Variants in TTC6 observed in about 807,000 individuals in gnomAD.
TTC6 encodes tetratricopeptide repeat protein 6.
In TTC6, 172 loss-of-function variants were observed where a neutral mutation model predicts 210.4. The ratio of observed to expected loss-of-function variants is 0.82; its 90% CI spans 0.72 to 0.93. TTC6 has a LOEUF of 0.93. Among genes scored for constraint, TTC6 ranks in the 40% least tolerant of loss-of-function variants. The pLI, the probability that TTC6 is intolerant of heterozygous loss-of-function variation, is 0.00. For missense variants in TTC6, 2,414 were observed against 2,318.1 expected (o/e 1.04, Z -0.85); for synonymous variants, 804 against 819.6 (o/e 0.98, Z 0.32).
intron 26 of TTC6, among the ~76,000 whole-genome samples, chr14:37,818,021 A>T (rs888541970): frequency 6.6e-6 from 1 of 152,208 alleles, no homozygotes; most frequent in Non-Finnish European, 1.5e-5. Flanking sequence ...TATTTTGTTC[A>T]TAAAGTGGGA....
At chr14:37,827,410 C>G in intron 29 of TTC6, 44 bp downstream of exon 31, 2 of 1,583,806 alleles carry the variant, frequency 1.3e-6, no homozygotes, top group Non-Finnish European at 8.6e-7. Flanking sequence ...ACCTGGAATG[C>G]TTTCTTTATT....
chr14:37,718,220 G>A (rs2095855816), intron 6 of TTC6, among the ~76,000 whole-genome samples: 1 of 152,080 alleles, frequency 6.6e-6, no homozygotes, highest in South Asian at 2.1e-4. Flanking sequence ...TTATCCACCA[G>A]GACTTTAGGG....
At chr14:37,680,859 A>G (rs2095781919) in intron 2 of TTC6, among the ~76,000 whole-genome samples, 1 of 152,162 alleles carries the variant, frequency 6.6e-6, no homozygotes, top group Admixed American at 6.5e-5. Flanking sequence ...TGTTACCATT[A>G]AATAACAAGC....
intron 21 of TTC6, among the ~76,000 whole-genome samples, chr14:37,805,588 A>G (rs908623762): frequency 6.6e-5 from 10 of 152,234 alleles, no homozygotes; most frequent in Non-Finnish European, 1.3e-4. Context: ...GAGACAAATT[A>G]CAAATATTTT....
Position 37,790,583 on chromosome 14 carries a change from C to T in TTC6, c.3437-134C>T, listed in dbSNP as rs2096077147. ...ATTTAACTTACCAAACAAGTACACTCATCATAGATATGTTTCTATTTTATA... is the reference window on the plus strand; with the variant it reads ...ATTTAACTTACCAAACAAGTACACTTATCATAGATATGTTTCTATTTTATA... On this transcript the variant is annotated intron_variant, in intron 15 of 30. Transcript: ENST00000553443. 1.4e-5 allele frequency: 10 copies of T among 709,374 alleles called. No individual in the cohort carries two copies. In the South Asian group the frequency reaches 1.7e-4, roughly 12 times the overall value. 43.9% of individuals were successfully genotyped at this position (709,374 alleles called of 1,614,324 possible). A position where few individuals can be genotyped will look rare whatever the true frequency, so the allele number is the denominator to read the frequency against.
chr14:37,682,718 TA>T (rs746718519), intron 2 of TTC6, 39 bp from the exon 5 acceptor site: 395 of 1,456,478 alleles, frequency 2.7e-4, no homozygotes, highest in Non-Finnish European at 2.8e-4. Context: ...GAAGGACCAA[TA>T]AAAAAAAAGC....
intron 20 of TTC6, among the ~76,000 whole-genome samples, chr14:37,798,069 A>C (rs2096096734): frequency 6.6e-6 from 1 of 152,108 alleles, no homozygotes; most frequent in African/African-American, 2.4e-5. Context: ...CATTGAAATT[A>C]TTGATAACTG....
In TTC6 at chr14:37,726,072, C is replaced by G. The variant is rs565711634; in HGVS notation, c.1818+1070C>G. Among the ~76,000 whole-genome samples the G allele has an allele frequency of 3.9e-5, 6 of 152,030 alleles. No homozygotes were observed. The South Asian group carries it at 1.2e-3, about 32-fold the overall frequency. On this transcript the variant is annotated intron_variant, in intron 7 of 30. Coordinates refer to ENST00000553443, the Ensembl canonical transcript of TTC6. ...AAAAATTCTTCTCCTTCTTCCTCCT[C>G]CTCTTTTCTGCTTTTTCCTTTTTTT...
chr14:37,671,459 C>A (rs1426333874), intron 1 of TTC6, among the ~76,000 whole-genome samples: 1 of 152,094 alleles, frequency 6.6e-6, no homozygotes, highest in Non-Finnish European at 1.5e-5. Context: ...GAAATAAGAT[C>A]TGCAAGTGGT....
rs1305231844 is a variant in TTC6 at position 37,632,477 on chromosome 14, C to G, written c.939+9474C>G. On this transcript the variant is annotated intron_variant, in intron 1 of 30. Coordinates refer to ENST00000553443, the Ensembl canonical transcript of TTC6. ...AGAACGGCAAAGATTGCTGCCTGTT[C>G]CTTCCTCTGGCAGCTTTGTCTCAGA... Among the ~76,000 whole-genome samples the G allele has an allele frequency of 7.9e-5, 12 of 152,300 alleles. No individual in the cohort carries two copies. The East Asian group carries it at 1.9e-3, about 25-fold the overall frequency.
intron 1 of TTC6, among the ~76,000 whole-genome samples, chr14:37,643,814 G>A (rs2095696713): frequency 6.6e-6 from 1 of 152,118 alleles, no homozygotes; most frequent in African/African-American, 2.4e-5. Context: ...ATTGGAAATA[G>A]GGTTATGAAG....
At chr14:37,758,640 A>G (rs2095974942) in intron 14 of TTC6, among the ~76,000 whole-genome samples, 1 of 152,002 alleles carries the variant, frequency 6.6e-6, no homozygotes, top group Non-Finnish European at 1.5e-5. Context: ...TCTTTATCCA[A>G]TTTGCATGTC....
chr14:37,671,722 A>C (rs2095758570), intron 1 of TTC6, among the ~76,000 whole-genome samples: 1 of 152,096 alleles, frequency 6.6e-6, no homozygotes, highest in Non-Finnish European at 1.5e-5. Context: ...TCTCCACCCA[A>C]GTCTCATCTT....
chr14:37,781,729 A>G (rs2096055357), intron 14 of TTC6, among the ~76,000 whole-genome samples: 2 of 152,186 alleles, frequency 1.3e-5, no homozygotes, highest in South Asian at 4.1e-4. Context: ...GGTAATGCCT[A>G]GGTTTTCTTC....
exon 31 of TTC6, chr14:37,842,168 G>A (rs770595638): frequency 6.3e-7 from 1 of 1,580,522 alleles, no homozygotes; most frequent in Non-Finnish European, 8.6e-7. Flanking sequence ...TGTCTTTGAA[G>A]CCTAATGATG....
intron 29 of TTC6, among the ~76,000 whole-genome samples, chr14:37,832,787 C>T (rs1263493183): frequency 5.3e-5 from 8 of 152,110 alleles, no homozygotes; most frequent in South Asian, 2.1e-4. Context: ...TGGCCACGCG[C>T]GGTGGCTTAT....
At chr14:37,796,101 T>C (rs552236627) in intron 18 of TTC6, among the ~76,000 whole-genome samples, 193 bp from the exon 21 acceptor site, 3 of 152,216 alleles carry the variant, frequency 2.0e-5, no homozygotes, top group Non-Finnish European at 4.4e-5. Flanking sequence ...ATTTCCTAAG[T>C]TTTCTCATCA....
chr14:37,730,940 G>T (rs2095884374), intron 7 of TTC6, among the ~76,000 whole-genome samples: 1 of 152,158 alleles, frequency 6.6e-6, no homozygotes, highest in African/African-American at 2.4e-5. Context: ...CACTGTTCTA[G>T]AGGCTGGAGC....
intron 13 of TTC6, among the ~76,000 whole-genome samples, chr14:37,752,307 T>C (rs559457084): frequency 1.3e-5 from 2 of 152,158 alleles, no homozygotes; most frequent in East Asian, 1.9e-4. Context: ...AACTGCCCTA[T>C]TTATGAATCC....
Sources: gnomAD v4.1 joint callset for allele counts (sites outside exome capture counted in the v4.1 genomes callset) on GRCh38, gnomAD v4.1.1 for gene constraint, MANE v1.5 for transcripts, NCBI Gene and HGNC (gene_info 2026-07-23, HGNC 2026-07-21) for gene names.